AK5: variants seen among roughly 807,000 people sequenced by gnomAD.
AK5 encodes the protein adenylate kinase isoenzyme 5.
Under a neutral mutation model 69.5 loss-of-function variants are expected in AK5, and 27 were observed. That is an observed-to-expected ratio of 0.39 (90% CI 0.29 to 0.54). AK5 has a LOEUF of 0.54. AK5 is among the 20% of genes least tolerant of loss of function. The pLI is 0.71. For missense variants in AK5, 531 were observed against 700.4 expected, an observed-to-expected ratio of 0.76 and a Z score of 2.73; for synonymous variants, 260 against 244.4, an observed-to-expected ratio of 1.06 and a Z score of -0.60.
At chr1:77,336,017 T>C (rs1661339410) in intron 5 of AK5, among the ~76,000 whole-genome samples, 1 of 152,152 alleles carries the variant, frequency 6.6e-6, no homozygotes, top group African/African-American at 2.4e-5. Flanking sequence ...TTTTTATTTA[T>C]TTGTGTATTC....
intron 5 of AK5, among the ~76,000 whole-genome samples, chr1:77,312,317 TC>T (rs1306485554): frequency 1.3e-5 from 2 of 152,080 alleles, no homozygotes; most frequent in Non-Finnish European, 2.9e-5. Context: ...AAGAATTGGT[TC>T]CTAAAGCAAT....
At chr1:77,289,862 CAAAAAAAAAAAAAAA>C (rs55819317) in intron 2 of AK5, among the ~76,000 whole-genome samples, 1 of 64,700 alleles carries the variant, frequency 1.5e-5, no homozygotes, top group East Asian at 4.3e-4. Flanking sequence ...GACTCCGTCT[CAAAAAAAAAAAAAAA>C]AAAAAAAAAA....
At chr1:77,316,328 A>T (rs890677060) in intron 5 of AK5, among the ~76,000 whole-genome samples, 68 of 148,656 alleles carry the variant, frequency 4.6e-4, no homozygotes, top group Non-Finnish European at 7.9e-4. Context: ...CTATCTGTTC[A>T]TTTTTTTTTT....
At chr1:77,545,124 G>C (rs953546908) in intron 13 of AK5, among the ~76,000 whole-genome samples, 4 of 152,066 alleles carry the variant, frequency 2.6e-5, no homozygotes, top group Non-Finnish European at 5.9e-5. Flanking sequence ...ATACCCACAC[G>C]CCCGCAATTA....
In AK5 at chr1:77,456,921, TAA is replaced by T. The variant is rs35087048; in HGVS notation, c.1060-26382_1060-26381del. Among the ~76,000 whole-genome samples the T allele has an allele frequency of 6.8e-3, 985 of 143,900 alleles. 5 individuals carry two copies. Among genetic ancestry groups the T allele is most frequent in the Non-Finnish European group, 0.011 (710 of 65,546 alleles). The allele number at this position is 143,900 out of a possible 152,430, so 94.4% of individuals were successfully genotyped here. A position where few individuals can be genotyped will look rare whatever the true frequency, so the allele number is the denominator to read the frequency against. ...GGAGCACATCCTGTAGTAGTTTCCT[TAA>T]AAAAAAAAAAAAAGTCAATGGGAGG... is the stretch of plus-strand genomic sequence containing the variant. On this transcript the variant is annotated intron_variant, in intron 8 of 13. Transcript: ENST00000354567.
chr1:77,376,306 G>T (rs1557542232), intron 6 of AK5, among the ~76,000 whole-genome samples: 3 of 151,814 alleles, frequency 2.0e-5, no homozygotes, highest in Non-Finnish European at 4.4e-5. Context: ...CCAGAGGGAG[G>T]GCAAGTAGGT....
chr1:77,342,868 G>T, intron 6 of AK5, among the ~76,000 whole-genome samples: 2 of 149,262 alleles, frequency 1.3e-5, no homozygotes. Flanking sequence ...TGCCCCTCCT[G>T]ATTCATTCAT....
At chr1:77,366,096 A>G (rs1294006633) in intron 6 of AK5, among the ~76,000 whole-genome samples, 1 of 152,216 alleles carries the variant, frequency 6.6e-6, no homozygotes, top group Non-Finnish European at 1.5e-5. Context: ...AAATTAAATC[A>G]TAATAATAAT....
At chr1:77,356,911 C>T (rs896685936) in intron 6 of AK5, among the ~76,000 whole-genome samples, 4 of 152,204 alleles carry the variant, frequency 2.6e-5, no homozygotes, top group Admixed American at 1.3e-4. Flanking sequence ...CACAGCTTAA[C>T]AGTCAGAAGA....
At chr1:77,455,354 A>G (rs2100664538) in intron 8 of AK5, among the ~76,000 whole-genome samples, 1 of 152,296 alleles carries the variant, frequency 6.6e-6, no homozygotes, top group South Asian at 2.1e-4. Flanking sequence ...AGTGCCTTAT[A>G]AAAGAGGCCC....
At chr1:77,369,513 T>C (rs974120532) in intron 6 of AK5, among the ~76,000 whole-genome samples, 1 of 152,212 alleles carries the variant, frequency 6.6e-6, no homozygotes, top group Non-Finnish European at 1.5e-5. Flanking sequence ...TTATTCATAG[T>C]AATACAGTCC....
intron 5 of AK5, among the ~76,000 whole-genome samples, chr1:77,318,712 G>C (rs1271641494): frequency 6.6e-6 from 1 of 151,608 alleles, no homozygotes; most frequent in Non-Finnish European, 1.5e-5. Flanking sequence ...TCTCTTCAGT[G>C]GGTCTTTTTT....
At chr1:77,444,313 AATATATGTGTATATATATAGTATATAT>A (rs1652561713) in intron 8 of AK5, among the ~76,000 whole-genome samples, 2 of 56,006 alleles carry the variant, frequency 3.6e-5, no homozygotes, top group African/African-American at 1.6e-4. Context: ...ATATATACAC[AATATATGTGTATATATATAGTATATAT>A]ACACAATATA....
chr1:77,359,286 A>G (rs1425100312), intron 6 of AK5, among the ~76,000 whole-genome samples: 1 of 151,958 alleles, frequency 6.6e-6, no homozygotes, highest in Non-Finnish European at 1.5e-5. Flanking sequence ...AAGAGAACCC[A>G]TTAAGATTCT....
At chr1:77,314,091 A>G in intron 5 of AK5, 1 of 340,162 alleles carries the variant, frequency 2.9e-6, no homozygotes, top group Non-Finnish European at 5.8e-6. Flanking sequence ...TTCTGAACCC[A>G]TATATGTTAA....
At chr1:77,406,045 G>A (rs1649605318) in intron 6 of AK5, among the ~76,000 whole-genome samples, 2 of 152,102 alleles carry the variant, frequency 1.3e-5, no homozygotes. Context: ...TCCCTCAAAA[G>A]TTCAAGGAAA....
chr1:77,416,463 C>T (rs1650434924), intron 7 of AK5, among the ~76,000 whole-genome samples: 1 of 152,160 alleles, frequency 6.6e-6, no homozygotes, highest in Admixed American at 6.5e-5. Context: ...TTAGTATGTC[C>T]ATTTTGAAAA....
chr1:77,555,624 T>C (rs1366119212), intron 13 of AK5, among the ~76,000 whole-genome samples: 1 of 152,226 alleles, frequency 6.6e-6, no homozygotes, highest in Non-Finnish European at 1.5e-5. Context: ...TAGGATTACT[T>C]TGGTTATTTA....
chr1:77,329,418 G>A (rs1032481204), intron 5 of AK5, among the ~76,000 whole-genome samples: 1 of 152,024 alleles, frequency 6.6e-6, no homozygotes, highest in African/African-American at 2.4e-5. Context: ...CAATAAAGCA[G>A]AATGGAGCCC....
Sources: allele counts gnomAD v4.1 joint callset (sites outside exome capture counted in the v4.1 genomes callset), GRCh38; gene constraint gnomAD v4.1.1; transcripts MANE v1.5; gene names NCBI Gene and HGNC (gene_info 2026-07-23, HGNC 2026-07-21).